Variants in SP100 observed in about 807,000 individuals in gnomAD.
SP100 encodes SP100 nuclear body protein, also known as nuclear autoantigen Sp-100.
SP100 carries 84 observed loss-of-function variants against 130.0 expected under a neutral mutation model. The observed-to-expected ratio is 0.65, with a 90% CI of 0.54 to 0.77. The LOEUF (loss-of-function observed/expected upper bound fraction) is 0.77. Among genes scored for constraint, SP100 ranks in the 30% least tolerant of loss-of-function variants. SP100 has a pLI of 0.00. For synonymous variants in SP100, 331 were observed against 351.7 expected (o/e 0.94, Z 0.66); for missense variants, 978 against 1,052.2 (o/e 0.93, Z 0.97).
chr2:230,424,375 A>G (rs1412810538), intron 2 of SP100, among the ~76,000 whole-genome samples: 2 of 152,166 alleles, frequency 1.3e-5, no homozygotes, highest in Non-Finnish European at 2.9e-5. Context: ...ACATAATAAG[A>G]GGAGAGATTG....
At chr2:230,428,770 T>A (rs1399712082) in intron 2 of SP100, among the ~76,000 whole-genome samples, 1 of 151,934 alleles carries the variant, frequency 6.6e-6, no homozygotes, top group East Asian at 1.9e-4. Flanking sequence ...TTAAACTAGA[T>A]CTCATAAGAA....
At chr2:230,506,743 A>T in intron 22 of SP100, 1 of 241,714 alleles carries the variant, frequency 4.1e-6, no homozygotes, top group Non-Finnish European at 8.1e-6. Context: ...CTTAAGTTGG[A>T]GGGGAGGTCT....
chr2:230,444,561 A>G (rs1369074642), intron 4 of SP100, among the ~76,000 whole-genome samples: 1 of 152,222 alleles, frequency 6.6e-6, no homozygotes, highest in Non-Finnish European at 1.5e-5. Flanking sequence ...TTAGACTCAC[A>G]GGACAACCAG....
chr2:230,472,427 C>CAAAA (rs201703163), intron 15 of SP100, among the ~76,000 whole-genome samples: 97 of 61,308 alleles, frequency 1.6e-3, no homozygotes, highest in Non-Finnish European at 2.0e-3. Flanking sequence ...GACTCCGTCT[C>CAAAA]AAAAAAAAAA....
chr2:230,491,340 G>A (rs2066380865), intron 17 of SP100, among the ~76,000 whole-genome samples: 1 of 152,220 alleles, frequency 6.6e-6, no homozygotes, highest in African/African-American at 2.4e-5. Flanking sequence ...GGACATCTGG[G>A]TTCTGTCCCT....
In SP100 at chr2:230,449,455, G is replaced by T. The variant is rs796820109; in HGVS notation, c.587-106G>T. On this transcript the variant is annotated intron_variant, in intron 6 of 28. Coordinates refer to ENST00000340126, the MANE Select transcript of SP100 (RefSeq NM_001080391.2). ...TCTGCTTGAATCTGGCTGTTGCCTT[G>T]GTGCCTTGACCTTACGTCCATCAGT... The T allele has an allele frequency of 1.6e-5, 20 of 1,271,960 alleles. No homozygotes were observed. In the African/African-American group the frequency reaches 2.5e-4, roughly 16 times the overall value. 78.8% of individuals were successfully genotyped at this position (1,271,960 alleles called of 1,614,324 possible). A position where few individuals can be genotyped will look rare whatever the true frequency, so the allele number is the denominator to read the frequency against.
In SP100 at chr2:230,498,466, A is replaced by C; in HGVS notation, c.1651A>C (p.Lys551Gln). 6.6e-7 allele frequency: 1 copy of C among 1,509,450 alleles called. No homozygotes were observed. Among genetic ancestry groups the C allele is most frequent in the Non-Finnish European group, 8.8e-7 (1 of 1,135,426 alleles). 93.5% of individuals were successfully genotyped at this position (1,509,450 alleles called of 1,614,324 possible). ...ATATTTTCCTATTTTCTCAGGGAGA[A>C]AGAAAGACAGACCTAGAAAACATTT... ...SKVNGLQRGR[K>Q]KDRPRKHLTL... The change falls in exon 19 of 29, where the codon AAG becomes CAG. Residue 551 changes from lysine to glutamine, a missense_variant. Transcript: ENST00000340126.
chr2:230,535,420 T>C (rs988073520), intron 24 of SP100, among the ~76,000 whole-genome samples: 5 of 152,092 alleles, frequency 3.3e-5, no homozygotes, highest in African/African-American at 1.2e-4. Context: ...ACTGAACAAA[T>C]GGAGGCCAGA....
chr2:230,491,304 C>T (rs532988375), intron 17 of SP100, among the ~76,000 whole-genome samples: 18 of 152,208 alleles, frequency 1.2e-4, no homozygotes, highest in Non-Finnish European at 2.2e-4. Flanking sequence ...GAGACTGCGG[C>T]CTTTCTGCTA....
chr2:230,445,564 T>C (rs1253561721), intron 4 of SP100, among the ~76,000 whole-genome samples: 1 of 152,210 alleles, frequency 6.6e-6, no homozygotes, highest in Non-Finnish European at 1.5e-5. Flanking sequence ...TAGTTGTATA[T>C]GGCTTATTGA....
At chr2:230,444,107 A>T in intron 3 of SP100, 71 bp from the exon 4 acceptor site, 1 of 1,132,306 alleles carries the variant, frequency 8.8e-7, no homozygotes, top group Non-Finnish European at 1.3e-6. Flanking sequence ...GTAACCATAG[A>T]ATTCCTTTCT....
intron 18 of SP100, among the ~76,000 whole-genome samples, chr2:230,497,527 G>GAC (rs1559520427): frequency 1.7e-5 from 1 of 58,636 alleles, no homozygotes. Context: ...GAGAGGAGAG[G>GAC]AGAGGAGAGG....
chr2:230,461,536 G>A, intron 9 of SP100, 122 bp downstream of exon 9: 1 of 932,736 alleles, frequency 1.1e-6, no homozygotes, highest in Non-Finnish European at 1.7e-6. Flanking sequence ...GGAAGGGAAA[G>A]GGGCTGGCAC....
In SP100 at chr2:230,454,936, A is replaced by G. The variant is rs1364451176; in HGVS notation, c.820+4681A>G. Among the ~76,000 whole-genome samples the G allele has an allele frequency of 3.3e-5, 5 of 152,116 alleles. No individual in the cohort carries two copies. The East Asian group carries it at 9.6e-4, about 29-fold the overall frequency. ...CTCTCTTTCCTTCAGATCTATTAATATTTGTTTTATATATTTAGTTGCTCA... is the reference window on the plus strand; with the variant it reads ...CTCTCTTTCCTTCAGATCTATTAATGTTTGTTTTATATATTTAGTTGCTCA... On this transcript the variant is annotated intron_variant, in intron 8 of 28. Transcript: ENST00000340126.
chr2:230,496,212 CCTT>C (rs900586222), intron 18 of SP100, among the ~76,000 whole-genome samples: 1 of 152,138 alleles, frequency 6.6e-6, no homozygotes, highest in African/African-American at 2.4e-5. Context: ...CACATTTATT[CCTT>C]CTACTTCCTT....
At chr2:230,447,078 T>C (rs1390308942) in intron 5 of SP100, among the ~76,000 whole-genome samples, 176 bp downstream of exon 5, 1 of 152,100 alleles carries the variant, frequency 6.6e-6, no homozygotes, top group Non-Finnish European at 1.5e-5. Flanking sequence ...CAAGGCATAG[T>C]TGGCTCAATA....
At position 230,436,651 on chromosome 2, in the gene SP100, G is replaced by A. The variant is rs531234749; in HGVS notation, c.108-6286G>A. On this transcript the variant is annotated intron_variant, in intron 2 of 28. Transcript: ENST00000340126. ...TTTCCTTTATAAATTACCCAGTCTC[G>A]AGCAGTTCTTTATAGCAGTGTGAAA... Among the ~76,000 whole-genome samples, 189 of 152,122 alleles carry A rather than the reference G, an allele frequency of 1.2e-3. 1 individual carries two copies. Among genetic ancestry groups the A allele is most frequent in the African/African-American group, 4.1e-3 (171 of 41,492 alleles).
In SP100 at chr2:230,419,283, C is replaced by T. The variant is rs200510809; in HGVS notation, c.107+1618C>T. Among the ~76,000 whole-genome samples the T allele has an allele frequency of 2.6e-5, 4 of 152,166 alleles. 1 individual carries two copies. The highest frequency in any genetic ancestry group is 4.4e-5 in the Non-Finnish European group (3 of 68,028). ...AATTCATGAGTTTTAAGATACTTGG[C>T]GTTCTGAGGAGTGTGATGAAATCTC... On this transcript the variant is annotated intron_variant, in intron 2 of 28. Transcript: ENST00000340126.
intron 2 of SP100, among the ~76,000 whole-genome samples, chr2:230,421,664 T>G (rs974064651): frequency 1.3e-5 from 2 of 152,120 alleles, no homozygotes; most frequent in African/African-American, 4.8e-5. Flanking sequence ...GAAATTAATT[T>G]AGTTCACTGT....
Sources: gnomAD v4.1 joint callset for allele counts (sites outside exome capture counted in the v4.1 genomes callset) on GRCh38, gnomAD v4.1.1 for gene constraint, MANE v1.5 for transcripts, NCBI Gene and HGNC (gene_info 2026-07-23, HGNC 2026-07-21) for gene names.